Variants in STAM observed in about 807,000 individuals in gnomAD.
STAM encodes the protein signal transducing adapter molecule 1.
Under a neutral mutation model 63.4 loss-of-function variants are expected in STAM, and 16 were observed. That is an observed-to-expected ratio of 0.25 (90% CI 0.17 to 0.38). STAM has a LOEUF of 0.38. Among genes scored for constraint, STAM ranks in the 10% least tolerant of loss-of-function variants. STAM has a pLI of 1.00. For missense variants in STAM, 636 were observed against 657.1 expected, an observed-to-expected ratio of 0.97 and a Z score of 0.35; for synonymous variants, 238 against 223.9, an observed-to-expected ratio of 1.06 and a Z score of -0.56.
At chr10:17,705,164 G>T in intron 11 of STAM, 140 bp downstream of exon 11, 1 of 694,508 alleles carries the variant, frequency 1.4e-6, no homozygotes, top group Non-Finnish European at 2.4e-6. Context: ...TGTGCTAGAT[G>T]TGGAGAATTA....
intron 2 of STAM, among the ~76,000 whole-genome samples, chr10:17,664,386 A>G (rs1357565999): frequency 2.0e-5 from 3 of 152,114 alleles, no homozygotes; most frequent in Non-Finnish European, 4.4e-5. Flanking sequence ...CCATCATCCC[A>G]AACTGAAACC....
rs917757162 is a variant in STAM, at chr10:17,715,419, A to G, written c.*639A>G. On this transcript the variant is annotated 3_prime_UTR_variant, in exon 14 of 14. Transcript: ENST00000377524. ...TATATATATGTGTGTGTATATATAT[A>G]TATCTACATGTCTTTCTGTAGCCTC... 5 of 152,974 alleles carry G rather than the reference A, an allele frequency of 3.3e-5. No individual in the cohort carries two copies. Among genetic ancestry groups the G allele is most frequent in the African/African-American group, 1.2e-4 (5 of 41,446 alleles). 9.5% of individuals were successfully genotyped at this position (152,974 alleles called of 1,614,324 possible). A position where few individuals can be genotyped will look rare whatever the true frequency, so the allele number is the denominator to read the frequency against.
chr10:17,668,488 C>T (rs11254717), intron 2 of STAM, among the ~76,000 whole-genome samples: 16,451 of 152,192 alleles, frequency 0.11, 970 homozygotes, highest in Middle Eastern at 0.16. Flanking sequence ...TTGTTTTGTA[C>T]AGGTCAATGG....
intron 2 of STAM, among the ~76,000 whole-genome samples, chr10:17,666,481 G>A (rs1421345859): frequency 7.3e-6 from 1 of 137,290 alleles, no homozygotes; most frequent in Non-Finnish European, 1.5e-5. Context: ...TGCAAGCTCC[G>A]CCTGCCGGGT....
chr10:17,708,035 C>A (rs561298546), intron 12 of STAM, among the ~76,000 whole-genome samples: 5 of 152,050 alleles, frequency 3.3e-5, no homozygotes, highest in Admixed American at 1.3e-4. Context: ...GGACTGCAGG[C>A]GCCCGCCACC....
intron 2 of STAM, among the ~76,000 whole-genome samples, chr10:17,675,065 A>G (rs537164550): frequency 6.6e-6 from 1 of 152,242 alleles, no homozygotes; most frequent in African/African-American, 2.4e-5. Context: ...ATTTATAAAT[A>G]TGAACAGCTG....
In STAM at chr10:17,679,282, A is replaced by G. The variant is rs150608643; in HGVS notation, c.126-5393A>G. On this transcript the variant is annotated intron_variant, in intron 2 of 13. Transcript: ENST00000377524. ...CCTAGTGAGTGTGAAGTGGCATCTC[A>G]ATGTGGTTTTGATTTGCATCTCCCT... 1.1e-4 allele frequency among the ~76,000 whole-genome samples: 16 copies of G among 152,144 alleles called. No individual in the cohort carries two copies. The East Asian group carries it at 3.1e-3, about 29-fold the overall frequency.
chr10:17,648,524 C>G (rs141437027), intron 1 of STAM, among the ~76,000 whole-genome samples: 2 of 152,176 alleles, frequency 1.3e-5, no homozygotes, highest in Non-Finnish European at 2.9e-5. Flanking sequence ...TCTTTGGGTC[C>G]GTGCTACCTT....
intron 4 of STAM, among the ~76,000 whole-genome samples, chr10:17,686,983 C>G (rs1278704891): frequency 6.6e-6 from 1 of 152,148 alleles, no homozygotes; most frequent in Admixed American, 6.5e-5. Flanking sequence ...AATAGTAAGA[C>G]TTCAAATTAT....
intron 2 of STAM, among the ~76,000 whole-genome samples, chr10:17,681,412 C>T (rs1463142767): frequency 6.6e-6 from 1 of 151,588 alleles, no homozygotes; most frequent in Non-Finnish European, 1.5e-5. Flanking sequence ...TTTGTTCTTT[C>T]AGATTTTATT....
rs1835228471 is a variant in STAM at position 17,684,814 on chromosome 10, C to A, written c.202-18C>A. On this transcript the variant is annotated intron_variant, in intron 3 of 13. Transcript: ENST00000377524. ...TGCCACAATTGAGCCCCTTTAACTT[C>A]TGATTTTGTGCTTTTAGCTTCTAGG... 1 of 1,613,526 alleles carries A rather than the reference C, an allele frequency of 6.2e-7. No individual in the cohort carries two copies. The highest frequency in any genetic ancestry group is 1.3e-5 in the African/African-American group (1 of 74,904).
chr10:17,668,569 T>C (rs1241814185), intron 2 of STAM, among the ~76,000 whole-genome samples: 3 of 152,226 alleles, frequency 2.0e-5, no homozygotes, highest in African/African-American at 7.2e-5. Context: ...TACAGTACCA[T>C]GCTGAATAGT....
intron 2 of STAM, among the ~76,000 whole-genome samples, chr10:17,675,678 C>T (rs1834823878): frequency 6.6e-6 from 1 of 152,178 alleles, no homozygotes; most frequent in African/African-American, 2.4e-5. Flanking sequence ...GAAGCAGGGT[C>T]AGTCTCTTCT....
At chr10:17,685,521 T>C (rs1193823123) in intron 4 of STAM, among the ~76,000 whole-genome samples, 1 of 152,152 alleles carries the variant, frequency 6.6e-6, no homozygotes, top group Non-Finnish European at 1.5e-5. Context: ...AAAGGATTTA[T>C]TAGGGGAACT....
intron 11 of STAM, among the ~76,000 whole-genome samples, chr10:17,705,245 A>G (rs1000580187): frequency 2.0e-5 from 3 of 152,178 alleles, no homozygotes; most frequent in African/African-American, 7.2e-5. Context: ...GGACCAGCGT[A>G]GATAGGTCGT....
intron 2 of STAM, chr10:17,673,038 G>C (rs1403277831): frequency 1.0e-6 from 1 of 985,230 alleles, no homozygotes; most frequent in Non-Finnish European, 1.2e-6. Context: ...GTTTTAAGAA[G>C]CTTTTTGAGA....
intron 2 of STAM, among the ~76,000 whole-genome samples, chr10:17,674,379 G>C (rs1285475407): frequency 6.6e-6 from 1 of 152,154 alleles, no homozygotes; most frequent in African/African-American, 2.4e-5. Context: ...CGTGGGGTCT[G>C]TCATGAAGTT....
At chr10:17,658,281 GT>G (rs1264290599) in intron 1 of STAM, among the ~76,000 whole-genome samples, 2 of 151,624 alleles carry the variant, frequency 1.3e-5, no homozygotes, top group African/African-American at 4.8e-5. Context: ...TTGATTTCTA[GT>G]TTATTCCATT....
At chr10:17,653,127 T>G (rs983733995) in intron 1 of STAM, among the ~76,000 whole-genome samples, 4 of 152,084 alleles carry the variant, frequency 2.6e-5, no homozygotes, top group Non-Finnish European at 5.9e-5. Context: ...GGGCTTTGAG[T>G]CATAGGACCT....
Sources: allele counts gnomAD v4.1 joint callset (sites outside exome capture counted in the v4.1 genomes callset), GRCh38; gene constraint gnomAD v4.1.1; transcripts MANE v1.5; gene names NCBI Gene and HGNC (gene_info 2026-07-23, HGNC 2026-07-21).